PARVB: variants seen among roughly 807,000 people sequenced by gnomAD.
The protein encoded by PARVB is parvin beta, also known as beta-parvin.
A neutral mutation model predicts 47.0 loss-of-function variants in PARVB; 46 were observed. That is an observed-to-expected ratio of 0.98 (90% CI 0.77 to 1.25). The LOEUF (loss-of-function observed/expected upper bound fraction) is 1.25, where lower values mean the gene tolerates loss of function less well. PARVB is among the 50% of genes most tolerant of loss of function. The pLI, the probability that PARVB is intolerant of heterozygous loss-of-function variation, is 0.00. For missense variants in PARVB, 473 were observed against 471.6 expected, an observed-to-expected ratio of 1.00 and a Z score of -0.03; for synonymous variants, 196 against 196.3, an observed-to-expected ratio of 1.00 and a Z score of 0.01.
At chr22:44,024,252 G>C (rs1382725263), upstream of PARVB, 8 of 674,048 alleles carry the variant, frequency 1.2e-5, no homozygotes, top group African/African-American at 2.0e-5. Flanking sequence ...GGCGGGGGCC[G>C]GCGGCGGGGC....
At chr22:44,100,384 C>T (rs1397984823) in intron 3 of PARVB, among the ~76,000 whole-genome samples, 1 of 152,112 alleles carries the variant, frequency 6.6e-6, no homozygotes, top group Non-Finnish European at 1.5e-5. Context: ...CAGAGCTCGG[C>T]AGGAGGGGAT....
Position 44,028,327 on chromosome 22 carries a change from T to G in PARVB, c.112+3876T>G, listed in dbSNP as rs376023010. Among the ~76,000 whole-genome samples the G allele has an allele frequency of 4.0e-4, 61 of 151,892 alleles. 1 individual carries two copies. Among genetic ancestry groups the G allele is most frequent in the African/African-American group, 1.3e-3 (55 of 41,378 alleles). ...TCATTTTTTTGTTTTGTTTTTTTGG[T>G]TTTTGTTTTTGTTTTTTTTACTGTA... On this transcript the variant is annotated intron_variant, in intron 1 of 12. Coordinates refer to ENST00000338758, the MANE Select transcript of PARVB (RefSeq NM_013327.5).
intron 1 of PARVB, among the ~76,000 whole-genome samples, chr22:44,041,381 A>G (rs538094269): frequency 7.2e-5 from 11 of 152,240 alleles, no homozygotes; most frequent in African/African-American, 2.6e-4. Context: ...GGTCTCAGCC[A>G]CTTGGGAGGC....
chr22:44,119,199 C>G, intron 4 of PARVB, 59 bp downstream of exon 4: 1 of 1,210,234 alleles, frequency 8.3e-7, no homozygotes, highest in Non-Finnish European at 1.2e-6. Flanking sequence ...CGGCCCTGGG[C>G]TGGGCCAGGA....
chr22:44,065,863 G>GCA (rs2051511776), intron 1 of PARVB, among the ~76,000 whole-genome samples: 9 of 151,898 alleles, frequency 5.9e-5, no homozygotes, highest in South Asian at 2.1e-4. Context: ...GTGTGCATGT[G>GCA]TGTGTGTGTG....
At chr22:44,154,425 C>T (rs2053874028) in intron 10 of PARVB, among the ~76,000 whole-genome samples, 1 of 151,944 alleles carries the variant, frequency 6.6e-6, no homozygotes, top group Non-Finnish European at 1.5e-5. Context: ...GGTTTAATTT[C>T]TTCAATTTCT....
At chr22:44,132,414 AC>A (rs1042611127) in intron 5 of PARVB, among the ~76,000 whole-genome samples, 3 of 152,090 alleles carry the variant, frequency 2.0e-5, no homozygotes, top group African/African-American at 7.2e-5. Flanking sequence ...GAGAGGACAG[AC>A]TCAGGCAAGG....
upstream of PARVB, among the ~76,000 whole-genome samples, chr22:44,020,451 G>C (rs1001180136): frequency 1.3e-5 from 2 of 152,178 alleles, no homozygotes; most frequent in Non-Finnish European, 2.9e-5. Context: ...TGGGCTCTCA[G>C]GCATGAGCCA....
intron 2 of PARVB, among the ~76,000 whole-genome samples, chr22:44,008,340 C>T (rs1277333881): frequency 6.6e-6 from 1 of 152,044 alleles, no homozygotes; most frequent in Non-Finnish European, 1.5e-5. Flanking sequence ...AAACTCTTGA[C>T]CTCAAGTGAT....
At chr22:44,055,678 C>CTCTA (rs1438284048) in intron 1 of PARVB, among the ~76,000 whole-genome samples, 6,206 of 142,616 alleles carry the variant, frequency 0.044, 226 homozygotes, top group African/African-American at 0.1. Context: ...CTCTCTCTCT[C>CTCTA]TATATATATA....
At chr22:44,096,356 C>G (rs1038868511) in intron 2 of PARVB, among the ~76,000 whole-genome samples, 2 of 152,210 alleles carry the variant, frequency 1.3e-5, no homozygotes, top group African/African-American at 4.8e-5. Context: ...CAAGATCACA[C>G]CACTGCACTC....
Position 43,999,665 on chromosome 22 carries a change from A to G in PARVB, c.203A>G (p.Gln68Arg), listed in dbSNP as rs755367363. ...GGAGTGGAAACATCTGAATATGCTC[A>G]AGGAGGAGGTAAGTTTTGGGGGAAA... Residue 68 changes from glutamine to arginine, a missense_variant, in exon 2 of 14, where the codon CAA becomes CGA. Coordinates refer to the PARVB transcript ENST00000406477. 6 of 1,611,960 alleles carry G rather than the reference A, an allele frequency of 3.7e-6. No individual in the cohort carries two copies. In the Admixed American group the frequency reaches 5.0e-5, roughly 13 times the overall value.
chr22:44,058,235 T>C (rs1601539208), intron 1 of PARVB, among the ~76,000 whole-genome samples: 2 of 152,262 alleles, frequency 1.3e-5, no homozygotes, highest in East Asian at 3.9e-4. Context: ...CCTTGCTCCA[T>C]CTAAAGTCTC....
At chr22:44,133,427 T>G (rs916463590) in intron 6 of PARVB, among the ~76,000 whole-genome samples, 1 of 152,268 alleles carries the variant, frequency 6.6e-6, no homozygotes, top group South Asian at 2.1e-4. Context: ...TCTCTTTTTT[T>G]GGGTTCATTT....
At chr22:44,157,214 C>T (rs1290799222) in intron 10 of PARVB, among the ~76,000 whole-genome samples, 1 of 152,208 alleles carries the variant, frequency 6.6e-6, no homozygotes, top group Non-Finnish European at 1.5e-5. Flanking sequence ...CACCAGGTCC[C>T]AGCTCTGCAC....
intron 1 of PARVB, among the ~76,000 whole-genome samples, chr22:44,054,629 T>C (rs1456908669): frequency 6.6e-6 from 1 of 152,124 alleles, no homozygotes. Context: ...GAAAAGAGTT[T>C]GGCGGATAAC....
intron 2 of PARVB, among the ~76,000 whole-genome samples, chr22:44,095,048 A>G (rs898942506): frequency 6.6e-6 from 1 of 151,728 alleles, no homozygotes; most frequent in Non-Finnish European, 1.5e-5. Flanking sequence ...TGAGAGCCCA[A>G]GGAAAGAGGT....
chr22:44,033,280 G>T (rs1231826502), intron 1 of PARVB, among the ~76,000 whole-genome samples: 1 of 152,132 alleles, frequency 6.6e-6, no homozygotes, highest in Non-Finnish European at 1.5e-5. Flanking sequence ...GACCTCAACT[G>T]ATCCGCCCAC....
At chr22:44,097,831 A>G (rs940457342) in intron 2 of PARVB, among the ~76,000 whole-genome samples, 2 of 152,180 alleles carry the variant, frequency 1.3e-5, no homozygotes, top group African/African-American at 4.8e-5. Flanking sequence ...GTGTTTGGTA[A>G]CAGTAAGCCT....
Sources: gnomAD v4.1 joint callset for allele counts (sites outside exome capture counted in the v4.1 genomes callset) on GRCh38, gnomAD v4.1.1 for gene constraint, MANE v1.5 for transcripts, NCBI Gene and HGNC (gene_info 2026-07-23, HGNC 2026-07-21) for gene names.